The following EXPH5 variants were observed in gnomAD, a reference collection of about 807,000 sequenced individuals.
The protein encoded by EXPH5 is exophilin 5.
A neutral mutation model predicts 41.1 loss-of-function variants in EXPH5; 42 were observed. The observed-to-expected ratio is 1.02, with a 90% CI of 0.80 to 1.32. The LOEUF is 1.32. Ranked by LOEUF, EXPH5 falls within the 40% of genes most tolerant of loss-of-function variation. The probability of loss-of-function intolerance (pLI) is 0.00; values close to 1 mark genes in which losing one functional copy is unlikely to be tolerated. For synonymous variants in EXPH5, 798 were observed against 833.5 expected, an observed-to-expected ratio of 0.96 and a Z score of 0.73; for missense variants, 2,298 against 2,314.5, an observed-to-expected ratio of 0.99 and a Z score of 0.15.
intron 1 of EXPH5, among the ~76,000 whole-genome samples, chr11:108,588,821 A>G (rs997655111): frequency 6.6e-6 from 1 of 152,214 alleles, no homozygotes; most frequent in African/African-American, 2.4e-5. Context: ...GCATTGGGAT[A>G]TGGAACGATA....
rs1308544266 is a variant in EXPH5, at chr11:108,539,204, A to C, written c.281-18T>G. On this transcript the variant is annotated intron_variant, in intron 2 of 5. Coordinates refer to ENST00000265843, the MANE Select transcript of EXPH5 (RefSeq NM_015065.3). ...TATCGGATCTAGAAAAAAAAATTGT[A>C]AAAATTTTGCATCAATTACTTCCAA... 2 of 1,539,486 alleles carry C rather than the reference A, an allele frequency of 1.3e-6. No individual in the cohort carries two copies. The highest frequency in any genetic ancestry group is 1.8e-6 in the Non-Finnish European group (2 of 1,135,186).
At chr11:108,533,357 C>G (rs1474428771) in intron 3 of EXPH5, among the ~76,000 whole-genome samples, 1 of 152,118 alleles carries the variant, frequency 6.6e-6, no homozygotes, top group Non-Finnish European at 1.5e-5. Flanking sequence ...GCACCTGCCA[C>G]CACACCTGGC....
chr11:108,600,330 G>A, the EXPH5 span, among the ~76,000 whole-genome samples: 2 of 152,220 alleles, frequency 1.3e-5, no homozygotes, highest in African/African-American at 2.4e-5. Flanking sequence ...TAATCAAATG[G>A]TGGCTCCAAC....
At chr11:108,525,774 G>T (rs1273416435) in intron 4 of EXPH5, among the ~76,000 whole-genome samples, 1 of 151,680 alleles carries the variant, frequency 6.6e-6, no homozygotes, top group African/African-American at 2.4e-5. Context: ...GGGGTTGAGG[G>T]GATAGAACTT....
chr11:108,521,753 T>C (rs949124545), intron 4 of EXPH5, among the ~76,000 whole-genome samples: 4 of 152,228 alleles, frequency 2.6e-5, no homozygotes, highest in Non-Finnish European at 5.9e-5. Flanking sequence ...ATAAGTCCTT[T>C]CTTCTCAAAT....
Position 108,512,804 on chromosome 11 carries a change from T to C in EXPH5, c.2703A>G (p.Pro901=), listed in dbSNP as rs2093691974. 6.2e-7 allele frequency: 1 copy of C among 1,614,186 alleles called. No individual in the cohort carries two copies. The change falls in exon 6 of 6, where the codon CCA becomes CCG. Residue 901 remains proline, a synonymous_variant. Transcript: ENST00000265843. ...TTCTCCTGGAGAACACTGTAGTAGA[T>C]GGAACCACAGGAGCATCAAGGGAAG... is the stretch of plus-strand genomic sequence containing the variant. The part of the protein sequence containing the change: ...KNSSLDAPVV[P]STTVFSRRSP...
At chr11:108,518,083 A>G (rs989118809) in intron 5 of EXPH5, 152 bp downstream of exon 5, 36 of 638,888 alleles carry the variant, frequency 5.6e-5, no homozygotes, top group Non-Finnish European at 9.3e-5. Flanking sequence ...TGTTAATAAC[A>G]TATCAGCATC....
chr11:108,510,732 T>C lies in EXPH5; in HGVS notation c.4775A>G (p.Lys1592Arg), dbSNP rs1274967503. The change falls in exon 6 of 6, where the codon AAA becomes AGA. Residue 1592 changes from lysine (K) to arginine (R), a missense_variant. Coordinates refer to ENST00000265843, the MANE Select transcript of EXPH5 (RefSeq NM_015065.3). ...LVKGENRSSVKHRLAAMSKAS... is the reference protein window; with the variant it reads ...LVKGENRSSVRHRLAAMSKAS... ...TTTAGACATGGCTGCCAATCTGTGT[T>C]TAACTGAAGATCTATTTTCCCCCTT... The C allele has an allele frequency of 6.2e-7, 1 of 1,614,212 alleles. No individual in the cohort carries two copies.
At chr11:108,585,045 A>T (rs1237985523) in intron 1 of EXPH5, among the ~76,000 whole-genome samples, 2 of 152,210 alleles carry the variant, frequency 1.3e-5, no homozygotes, top group African/African-American at 4.8e-5. Flanking sequence ...AATTCTCAAA[A>T]TTCATCAATC....
At chr11:108,539,220 T>C (rs1211355099) in intron 2 of EXPH5, 34 bp from the exon 3 acceptor site, 13 of 1,445,758 alleles carry the variant, frequency 9.0e-6, no homozygotes, top group Non-Finnish European at 1.0e-5. Flanking sequence ...TTTGCATCAA[T>C]TACTTCCAAG....
chr11:108,519,905 C>T (rs1390144163), intron 4 of EXPH5, among the ~76,000 whole-genome samples: 2 of 131,344 alleles, frequency 1.5e-5, no homozygotes, highest in African/African-American at 2.9e-5. Context: ...GAGCTAAGAT[C>T]GTGCCACTGC....
rs116658247 is a variant in EXPH5, at chr11:108,512,834, C to A, written c.2673G>T (p.Lys891Asn). The change falls in exon 6 of 6, where the codon AAG (lysine) becomes AAT (asparagine). Residue 891 changes from lysine (K) to asparagine (N), a missense_variant. Transcript: ENST00000265843. ...CCACAGGAGCATCAAGGGAAGAATT[C>A]TTTGATGGTGAGGAATCTGGTAGTG... The part of the protein sequence containing the change: ...SAALPDSSPS[K>N]NSSLDAPVVP... The A allele has an allele frequency of 1.3e-5, 21 of 1,614,162 alleles. No homozygotes were observed. In the African/African-American group the frequency reaches 2.4e-4, roughly 18 times the overall value.
intron 1 of EXPH5, among the ~76,000 whole-genome samples, chr11:108,543,785 A>G (rs2093924984): frequency 6.6e-6 from 1 of 152,230 alleles, no homozygotes; most frequent in Non-Finnish European, 1.5e-5. Context: ...GCAAAGCACT[A>G]GACAGCAATC....
the EXPH5 span, among the ~76,000 whole-genome samples, chr11:108,602,809 A>G: frequency 7.9e-5 from 12 of 152,236 alleles, no homozygotes; most frequent in African/African-American, 2.9e-4. Context: ...TATGCAAATC[A>G]TATATAATTT....
upstream of EXPH5, among the ~76,000 whole-genome samples, chr11:108,594,435 A>T (rs2094135619): frequency 1.3e-5 from 2 of 152,236 alleles, no homozygotes. Context: ...AAACTCAGAG[A>T]AGTAATACAC....
intron 1 of EXPH5, among the ~76,000 whole-genome samples, chr11:108,552,711 G>A (rs1485162159): frequency 1.3e-5 from 2 of 152,194 alleles, no homozygotes; most frequent in Non-Finnish European, 2.9e-5. Context: ...GAGCCCAGGA[G>A]TTTGAGACCA....
At chr11:108,606,091 C>A in the EXPH5 span, among the ~76,000 whole-genome samples, 1 of 152,118 alleles carries the variant, frequency 6.6e-6, no homozygotes, top group Non-Finnish European at 1.5e-5. Flanking sequence ...TGCAGTGGCA[C>A]GATCATAGCT....
At chr11:108,568,542 A>T (rs2094045552) in intron 1 of EXPH5, among the ~76,000 whole-genome samples, 1 of 152,186 alleles carries the variant, frequency 6.6e-6, no homozygotes, top group Non-Finnish European at 1.5e-5. Context: ...CACAGGCCTA[A>T]AATTTGACCT....
rs778774056 is a variant in EXPH5 at position 108,510,906 on chromosome 11, T to C, written c.4601A>G (p.Gln1534Arg). ...TTGAGGTAATTCTCTTGGTTCAGAC[T>C]GCAGACTCTCTAAGTTTGGTTCATC... Reference protein sequence around the residue: ...QSDEPNLESLQSEPRELPQRS... With the variant: ...QSDEPNLESLRSEPRELPQRS... The change falls in exon 6 of 6, where the codon CAG becomes CGG. Residue 1534 changes from glutamine to arginine, a missense_variant. Coordinates refer to ENST00000265843, the MANE Select transcript of EXPH5 (RefSeq NM_015065.3). 1 of 1,614,234 alleles carries C rather than the reference T, an allele frequency of 6.2e-7. No homozygotes were observed. The highest frequency in any genetic ancestry group is 1.7e-5 in the Admixed American group (1 of 60,030).
Sources: allele counts gnomAD v4.1 joint callset (sites outside exome capture counted in the v4.1 genomes callset), GRCh38; gene constraint gnomAD v4.1.1; transcripts MANE v1.5; gene names NCBI Gene and HGNC (gene_info 2026-07-23, HGNC 2026-07-21).